WDR27: variants seen among roughly 807,000 people sequenced by gnomAD.
WDR27 encodes WD repeat-containing protein 27.
In WDR27, 100 loss-of-function variants were observed where a neutral mutation model predicts 114.4. That is an observed-to-expected ratio of 0.87 (90% CI 0.74 to 1.03). The LOEUF is 1.03. Ranked by LOEUF, WDR27 falls within the 50% of genes least tolerant of loss-of-function variation. The pLI is 0.00. For synonymous variants in WDR27, 449 were observed against 423.1 expected (o/e 1.06, Z -0.75); for missense variants, 1,129 against 1,092.9 (o/e 1.03, Z -0.47).
At chr6:169,624,782 G>A (rs1234410237) in intron 21 of WDR27, among the ~76,000 whole-genome samples, 2 of 152,108 alleles carry the variant, frequency 1.3e-5, no homozygotes, top group Non-Finnish European at 2.9e-5. Context: ...CCTGGCCCAT[G>A]AGACACGTGA....
chr6:169,629,709 CT>C (rs1318925351), intron 21 of WDR27, among the ~76,000 whole-genome samples: 1 of 151,910 alleles, frequency 6.6e-6, no homozygotes, highest in Non-Finnish European at 1.5e-5. Flanking sequence ...GGCAGATCAC[CT>C]GAGGTGAGGA....
intron 25 of WDR27, among the ~76,000 whole-genome samples, chr6:169,560,444 T>C (rs994396060): frequency 3.3e-5 from 5 of 152,152 alleles, no homozygotes; most frequent in Non-Finnish European, 5.9e-5. Flanking sequence ...AAATAAGAAG[T>C]AAGGTGTGTG....
intron 25 of WDR27, among the ~76,000 whole-genome samples, chr6:169,520,697 G>A (rs185850970): frequency 1.1e-4 from 16 of 152,024 alleles, no homozygotes; most frequent in South Asian, 2.1e-4. Context: ...TTAACAAAGC[G>A]ATTAAAGAGA....
intron 7 of WDR27, 69 bp from the exon 8 acceptor site, chr6:169,664,355 G>C: frequency 6.2e-7 from 1 of 1,607,370 alleles, no homozygotes; most frequent in Non-Finnish European, 8.5e-7. Context: ...AGCAACACCA[G>C]AGGTGGAGCA....
intron 25 of WDR27, among the ~76,000 whole-genome samples, chr6:169,520,602 C>T (rs1036808103): frequency 6.6e-6 from 1 of 151,890 alleles, no homozygotes. Flanking sequence ...ACTCTCTCAC[C>T]AAGAATGCAA....
chr6:169,523,802 A>G (rs1390460884), intron 25 of WDR27, among the ~76,000 whole-genome samples: 1 of 152,138 alleles, frequency 6.6e-6, no homozygotes, highest in African/African-American at 2.4e-5. Context: ...CAAAATAATA[A>G]AGGCTATATA....
At chr6:169,601,792 A>C (rs1351888866) in intron 23 of WDR27, among the ~76,000 whole-genome samples, 1 of 152,262 alleles carries the variant, frequency 6.6e-6, no homozygotes, top group Non-Finnish European at 1.5e-5. Context: ...GCATGCGCAT[A>C]ATGTGGAGGG....
At chr6:169,464,455 T>C (rs979048749) in intron 25 of WDR27, among the ~76,000 whole-genome samples, 2 of 152,096 alleles carry the variant, frequency 1.3e-5, no homozygotes, top group Admixed American at 6.5e-5. Flanking sequence ...GACAAACAGC[T>C]TCCAGAATTA....
intron 14 of WDR27, among the ~76,000 whole-genome samples, chr6:169,651,323 T>G (rs914161364): frequency 2.5e-4 from 38 of 151,938 alleles, no homozygotes; most frequent in Admixed American, 2.6e-4. Flanking sequence ...TTGGCCGCTA[T>G]GTTAAGAGAC....
chr6:169,581,899 C>T (rs1444172716), intron 24 of WDR27, among the ~76,000 whole-genome samples: 2 of 152,256 alleles, frequency 1.3e-5, no homozygotes, highest in Non-Finnish European at 2.9e-5. Context: ...ACGCTATTCT[C>T]TGAATCAAAG....
At chr6:169,609,359 C>T (rs916756954) in intron 22 of WDR27, among the ~76,000 whole-genome samples, 1 of 152,206 alleles carries the variant, frequency 6.6e-6, no homozygotes, top group Non-Finnish European at 1.5e-5. Flanking sequence ...CCCACCCCTA[C>T]AGAAAACATC....
intron 1 of WDR27, among the ~76,000 whole-genome samples, chr6:169,695,664 C>G (rs955848231): frequency 6.6e-6 from 1 of 152,144 alleles, no homozygotes; most frequent in African/African-American, 2.4e-5. Context: ...ACGGTGGTGA[C>G]AGAGTAACAC....
chr6:169,459,362 A>G (rs777961620), intron 25 of WDR27, among the ~76,000 whole-genome samples: 24 of 152,092 alleles, frequency 1.6e-4, no homozygotes, highest in Non-Finnish European at 2.9e-4. Context: ...GCAGGTGAAG[A>G]AAAAATAGAA....
chr6:169,435,599 G>C, the WDR27 span, among the ~76,000 whole-genome samples: 1 of 152,244 alleles, frequency 6.6e-6, no homozygotes, highest in Non-Finnish European at 1.5e-5. Context: ...TGCCCCACTG[G>C]ATTTCAGACT....
At chr6:169,455,532 C>T (rs1419647018), downstream of WDR27, among the ~76,000 whole-genome samples, 2 of 152,202 alleles carry the variant, frequency 1.3e-5, no homozygotes, top group Non-Finnish European at 2.9e-5. Context: ...TACATCCCAC[C>T]ATTAGAAAGG....
chr6:169,623,076 C>A (rs1214624562), intron 21 of WDR27, among the ~76,000 whole-genome samples: 1 of 152,084 alleles, frequency 6.6e-6, no homozygotes, highest in Non-Finnish European at 1.5e-5. Flanking sequence ...CAAAATTGCT[C>A]CTGGGGATAA....
intron 13 of WDR27, among the ~76,000 whole-genome samples, chr6:169,653,056 T>C (rs1252007333): frequency 6.6e-6 from 1 of 152,214 alleles, no homozygotes; most frequent in Non-Finnish European, 1.5e-5. Context: ...ACTTCCCAAA[T>C]GCGCAGCCGT....
intron 25 of WDR27, among the ~76,000 whole-genome samples, chr6:169,509,184 C>T (rs1329410795): frequency 2.0e-5 from 3 of 152,150 alleles, no homozygotes; most frequent in East Asian, 3.8e-4. Flanking sequence ...GAACCAATAT[C>T]GTGAAAATGG....
At chr6:169,561,872 G>C (rs1259209937) in intron 25 of WDR27, among the ~76,000 whole-genome samples, 1 of 152,106 alleles carries the variant, frequency 6.6e-6, no homozygotes, top group Non-Finnish European at 1.5e-5. Context: ...AATTTTAAAA[G>C]ATATACCATC....
Sources: allele counts gnomAD v4.1 joint callset (sites outside exome capture counted in the v4.1 genomes callset), GRCh38; gene constraint gnomAD v4.1.1; transcripts MANE v1.5; gene names NCBI Gene and HGNC (gene_info 2026-07-23, HGNC 2026-07-21).